Variants in PLCB4 observed in about 807,000 individuals in gnomAD.
The protein encoded by PLCB4 is phospholipase C beta 4.
A neutral mutation model predicts 178.8 loss-of-function variants in PLCB4; 77 were observed. The observed-to-expected ratio is 0.43, with a 90% CI of 0.36 to 0.52. The LOEUF is 0.52. Ranked by LOEUF, PLCB4 falls within the 20% of genes least tolerant of loss-of-function variation. PLCB4 has a pLI of 0.00. For missense variants in PLCB4, 1,024 were observed against 1,453.4 expected (o/e 0.70, Z 4.80); for synonymous variants, 496 against 490.8 (o/e 1.01, Z -0.14).
intron 2 of PLCB4, among the ~76,000 whole-genome samples, chr20:9,140,951 C>T (rs2092477258): frequency 6.6e-6 from 1 of 152,086 alleles, no homozygotes; most frequent in South Asian, 2.1e-4. Flanking sequence ...TAAGACTAGC[C>T]TCGTTTCAGG....
At chr20:9,280,199 T>G (rs1233358411) in intron 3 of PLCB4, among the ~76,000 whole-genome samples, 1 of 151,970 alleles carries the variant, frequency 6.6e-6, no homozygotes, top group African/African-American at 2.4e-5. Flanking sequence ...ATTAATAAGG[T>G]GCTTAGGTCA....
intron 3 of PLCB4, among the ~76,000 whole-genome samples, chr20:9,282,002 CCTCA>C (rs2094498425): frequency 6.6e-6 from 1 of 151,926 alleles, no homozygotes; most frequent in Non-Finnish European, 1.5e-5. Flanking sequence ...ATCCAGCTGC[CCTCA>C]CTCAGAGCCT....
chr20:9,438,121 C>A (rs2041886810), intron 30 of PLCB4, among the ~76,000 whole-genome samples: 1 of 152,040 alleles, frequency 6.6e-6, no homozygotes, highest in Non-Finnish European at 1.5e-5. Flanking sequence ...AATCCCAGCA[C>A]TTTGAGAGGC....
At position 9,480,757 on chromosome 20, in the gene PLCB4, C is replaced by T. The variant is rs2044815837; in HGVS notation, c.*1748C>T. On this transcript the variant is annotated 3_prime_UTR_variant, in exon 40 of 40. Transcript: ENST00000378473. ...TAGACTACATATCTTTTGGCACTAA[C>T]ATCTCATGAAAAATTATGGTTAATA... 6.6e-6 allele frequency: 1 copy of T among 152,294 alleles called. No homozygotes were observed. Among genetic ancestry groups the T allele is most frequent in the African/African-American group, 2.4e-5 (1 of 41,562 alleles). 9.4% of individuals were successfully genotyped at this position (152,294 alleles called of 1,614,324 possible). A position where few individuals can be genotyped will look rare whatever the true frequency, so the allele number is the denominator to read the frequency against.
chr20:9,265,480 C>G (rs2094340513), intron 3 of PLCB4, among the ~76,000 whole-genome samples: 1 of 152,084 alleles, frequency 6.6e-6, no homozygotes, highest in African/African-American at 2.4e-5. Context: ...GAGACTCTGT[C>G]TCAAAAAACA....
At chr20:9,139,608 C>T (rs940881562) in intron 2 of PLCB4, among the ~76,000 whole-genome samples, 1 of 152,034 alleles carries the variant, frequency 6.6e-6, no homozygotes, top group South Asian at 2.1e-4. Context: ...CCTGGGTGAC[C>T]ACTCCCAGTG....
chr20:9,305,550 G>C (rs751727329), intron 3 of PLCB4, among the ~76,000 whole-genome samples: 11 of 151,600 alleles, frequency 7.3e-5, no homozygotes, highest in Non-Finnish European at 1.6e-4. Flanking sequence ...TACTTTTTTG[G>C]CATAGTACAA....
At chr20:9,384,892 A>AGAAGGTCAG (rs1412317654) in intron 14 of PLCB4, among the ~76,000 whole-genome samples, 3 of 150,956 alleles carry the variant, frequency 2.0e-5, no homozygotes, top group African/African-American at 7.3e-5. Context: ...AATAGTGGAG[A>AGAAGGTCAG]GAAGGTCAGC....
chr20:9,326,123 G>A (rs1434539230), intron 4 of PLCB4, among the ~76,000 whole-genome samples: 2 of 152,188 alleles, frequency 1.3e-5, no homozygotes, highest in Non-Finnish European at 2.9e-5. Flanking sequence ...TTTGGGATTA[G>A]GATTTCAGCA....
intron 4 of PLCB4, 27 bp from the exon 5 acceptor site, chr20:9,337,099 G>T (rs2032573123): frequency 6.8e-7 from 1 of 1,465,734 alleles, no homozygotes; most frequent in East Asian, 2.3e-5. Context: ...TGTGAGTCAT[G>T]AAGATCAACA....
chr20:9,315,285 G>T (rs2094886459), intron 4 of PLCB4, among the ~76,000 whole-genome samples: 1 of 152,148 alleles, frequency 6.6e-6, no homozygotes, highest in South Asian at 2.1e-4. Context: ...AAACAATCTT[G>T]AGTACAGTTG....
intron 2 of PLCB4, among the ~76,000 whole-genome samples, chr20:9,155,228 G>A (rs901107256): frequency 1.3e-5 from 2 of 151,578 alleles, no homozygotes; most frequent in Non-Finnish European, 2.9e-5. Flanking sequence ...TGTGTTACTT[G>A]ATTTAGAATA....
chr20:9,216,419 A>G (rs6118527), intron 2 of PLCB4, among the ~76,000 whole-genome samples: 13,242 of 151,912 alleles, frequency 0.087, 1,353 homozygotes, highest in African/African-American at 0.24. Flanking sequence ...GGGTTTCACC[A>G]TGTTAGCCAG....
At chr20:9,457,552 G>A in intron 34 of PLCB4, 63 bp downstream of exon 34, 1 of 818,234 alleles carries the variant, frequency 1.2e-6, no homozygotes. Context: ...TTTTTAGAAG[G>A]AGTACCTAGT....
chr20:9,179,470 C>A (rs778647004), intron 2 of PLCB4, among the ~76,000 whole-genome samples: 1 of 152,162 alleles, frequency 6.6e-6, no homozygotes, highest in East Asian at 1.9e-4. Flanking sequence ...AGGAAAGAAG[C>A]CTTGTTCCCA....
intron 3 of PLCB4, among the ~76,000 whole-genome samples, chr20:9,292,303 T>C (rs2094586897): frequency 6.6e-6 from 1 of 152,218 alleles, no homozygotes; most frequent in Non-Finnish European, 1.5e-5. Context: ...ATGATTCATG[T>C]TGGCGATGTT....
chr20:9,140,083 C>T (rs2092457562), intron 2 of PLCB4, among the ~76,000 whole-genome samples: 1 of 152,044 alleles, frequency 6.6e-6, no homozygotes, highest in African/African-American at 2.4e-5. Context: ...CCTCATTTTT[C>T]AGCTTTGCTT....
chr20:9,430,988 G>A (rs897882302), intron 28 of PLCB4, among the ~76,000 whole-genome samples: 1 of 152,208 alleles, frequency 6.6e-6, no homozygotes. Context: ...CGAATGTACA[G>A]TTGTCTTGTT....
chr20:9,187,461 C>T (rs544440551), intron 2 of PLCB4, among the ~76,000 whole-genome samples: 1 of 152,284 alleles, frequency 6.6e-6, no homozygotes, highest in East Asian at 1.9e-4. Context: ...GTGTGCGTTG[C>T]TTCATTTCAA....
Sources: allele counts gnomAD v4.1 joint callset (sites outside exome capture counted in the v4.1 genomes callset), GRCh38; gene constraint gnomAD v4.1.1; transcripts MANE v1.5; gene names NCBI Gene and HGNC (gene_info 2026-07-23, HGNC 2026-07-21).